Variants in MEIKIN observed in about 807,000 individuals in gnomAD.
MEIKIN encodes meiosis-specific kinetochore protein.
In MEIKIN at chr5:131,874,550, G is replaced by A. The variant is rs188558138; in HGVS notation, c.774+4428C>T. On this transcript the variant is annotated intron_variant, in intron 9 of 12. Coordinates refer to ENST00000442687, the MANE Select transcript of MEIKIN (RefSeq NM_001303622.2). ...TCCAGGACCAGATGGATTCACAGCC[G>A]AATTCTACCAGAGGTACAAGGAGGA... Among the ~76,000 whole-genome samples the A allele has an allele frequency of 5.5e-3, 839 of 152,244 alleles. 4 individuals are homozygous for A. Among genetic ancestry groups the A allele is most frequent in the African/African-American group, 0.017 (725 of 41,530 alleles).
At chr5:131,874,442 C>T (rs565673262) in intron 9 of MEIKIN, among the ~76,000 whole-genome samples, 113 of 152,240 alleles carry the variant, frequency 7.4e-4, no homozygotes, top group South Asian at 6.2e-3. Context: ...CAAGACTAAA[C>T]CAGGAAGAAG....
intron 11 of MEIKIN, among the ~76,000 whole-genome samples, chr5:131,849,409 G>C (rs1465251916): frequency 5.6e-5 from 7 of 124,610 alleles, no homozygotes; most frequent in African/African-American, 1.5e-4. Flanking sequence ...TATATATAAA[G>C]AAACCTCTTT....
chr5:131,907,866 C>T (rs1381855046), intron 8 of MEIKIN, among the ~76,000 whole-genome samples: 8 of 151,522 alleles, frequency 5.3e-5, no homozygotes, highest in African/African-American at 1.2e-4. Context: ...AGTGAGACTC[C>T]GTCTCAAAAT....
chr5:131,897,368 G>GA (rs1751070515), intron 8 of MEIKIN, among the ~76,000 whole-genome samples: 1 of 152,004 alleles, frequency 6.6e-6, no homozygotes, highest in African/African-American at 2.4e-5. Context: ...GTCTTAGGGA[G>GA]GAGTAACTTC....
chr5:131,859,623 C>T (rs1750249337), intron 9 of MEIKIN, among the ~76,000 whole-genome samples: 1 of 152,146 alleles, frequency 6.6e-6, no homozygotes, highest in Non-Finnish European at 1.5e-5. Context: ...CAGATGCTGC[C>T]ATGTTTCCTG....
chr5:131,847,145 CA>C (rs918959899), intron 11 of MEIKIN, among the ~76,000 whole-genome samples: 4 of 151,380 alleles, frequency 2.6e-5, no homozygotes, highest in African/African-American at 9.7e-5. Flanking sequence ...AAGTGAAGGA[CA>C]AAAAAAGATA....
chr5:131,885,144 A>G (rs1750757744), intron 8 of MEIKIN, among the ~76,000 whole-genome samples: 1 of 152,188 alleles, frequency 6.6e-6, no homozygotes, highest in Non-Finnish European at 1.5e-5. Context: ...AGTTGGCTTC[A>G]TCACCTGTTG....
intron 11 of MEIKIN, among the ~76,000 whole-genome samples, chr5:131,837,161 T>C (rs1368451362): frequency 6.6e-6 from 1 of 152,172 alleles, no homozygotes; most frequent in African/African-American, 2.4e-5. Flanking sequence ...CTCAGCTTTG[T>C]CCAAGATCAG....
At chr5:131,849,434 A>T (rs1750073444) in intron 11 of MEIKIN, among the ~76,000 whole-genome samples, 2 of 80,520 alleles carry the variant, frequency 2.5e-5, no homozygotes, top group South Asian at 1.1e-3. Flanking sequence ...TATATATATA[A>T]AGAAACCTCT....
At chr5:131,899,674 G>C (rs2149638331) in intron 8 of MEIKIN, among the ~76,000 whole-genome samples, 1 of 151,900 alleles carries the variant, frequency 6.6e-6, no homozygotes, top group African/African-American at 2.4e-5. Context: ...AGTCAAAAAA[G>C]AGCAGGAGTA....
chr5:131,857,149 C>T lies in MEIKIN; in HGVS notation c.775-2315G>A, dbSNP rs989854281. 7.9e-5 allele frequency among the ~76,000 whole-genome samples: 12 copies of T among 152,106 alleles called. No individual in the cohort carries two copies. In the South Asian group the frequency reaches 1.5e-3, roughly 18 times the overall value. ...AGAGTTTAACTGAAAATTTGTAACT[C>T]TATGTTCAGAATCTTTTCCAGGCTG... On this transcript the variant is annotated intron_variant, in intron 9 of 12. Transcript: ENST00000442687.
intron 8 of MEIKIN, among the ~76,000 whole-genome samples, chr5:131,888,489 T>C (rs1170487592): frequency 6.6e-6 from 1 of 152,258 alleles, no homozygotes; most frequent in Non-Finnish European, 1.5e-5. Context: ...CATGTGTCCG[T>C]TGGCTGCATA....
chr5:131,836,587 A>T (rs1347955039), intron 11 of MEIKIN, among the ~76,000 whole-genome samples: 2 of 152,132 alleles, frequency 1.3e-5, no homozygotes, highest in African/African-American at 4.8e-5. Context: ...AATAATTGCC[A>T]TTCTAACTGG....
chr5:131,901,984 G>T (rs1413108900), intron 8 of MEIKIN, among the ~76,000 whole-genome samples: 8 of 152,120 alleles, frequency 5.3e-5, no homozygotes, highest in Non-Finnish European at 1.0e-4. Flanking sequence ...AAGTGCTTTA[G>T]CACCACCCTC....
intron 8 of MEIKIN, among the ~76,000 whole-genome samples, chr5:131,908,462 C>G (rs1297606185): frequency 6.6e-6 from 1 of 152,150 alleles, no homozygotes; most frequent in African/African-American, 2.4e-5. Flanking sequence ...GACAGACCTA[C>G]AGCTAGTATC....
chr5:131,935,204 G>A (rs1393694009), intron 4 of MEIKIN, among the ~76,000 whole-genome samples: 1 of 141,546 alleles, frequency 7.1e-6, no homozygotes, highest in African/African-American at 2.6e-5. Context: ...GCCAAGGTGA[G>A]AGGATCATCT....
chr5:131,818,192 G>A (rs1334897492), intron 12 of MEIKIN, among the ~76,000 whole-genome samples: 3 of 152,014 alleles, frequency 2.0e-5, no homozygotes, highest in Non-Finnish European at 4.4e-5. Context: ...CTTTCACAGA[G>A]GAAGTACTCA....
chr5:131,813,727 G>A (rs534408430), intron 12 of MEIKIN, among the ~76,000 whole-genome samples: 49 of 151,522 alleles, frequency 3.2e-4, no homozygotes, highest in Admixed American at 1.6e-3. Context: ...GTGCCCAGCC[G>A]ATCTTTAACT....
intron 8 of MEIKIN, among the ~76,000 whole-genome samples, chr5:131,893,559 C>T (rs577983433): frequency 2.0e-5 from 3 of 152,196 alleles, no homozygotes; most frequent in Admixed American, 6.5e-5. Flanking sequence ...GATGCCTCGC[C>T]CTGCTTCAGC....
Sources: gnomAD v4.1 joint callset for allele counts (sites outside exome capture counted in the v4.1 genomes callset) on GRCh38, gnomAD v4.1.1 for gene constraint, MANE v1.5 for transcripts, NCBI Gene and HGNC (gene_info 2026-07-23, HGNC 2026-07-21) for gene names.